RNF220: variants seen among roughly 807,000 people sequenced by gnomAD.
RNF220 encodes the protein E3 ubiquitin-protein ligase RNF220.
In RNF220, 7 loss-of-function variants were observed where a neutral mutation model predicts 67.1. The ratio of observed to expected loss-of-function variants is 0.10; its 90% CI spans 0.06 to 0.20. The LOEUF is 0.20. RNF220 is among the 10% of genes least tolerant of loss of function. The pLI is 1.00. For synonymous variants in RNF220, 270 were observed against 283.2 expected, an observed-to-expected ratio of 0.95 and a Z score of 0.47; for missense variants, 565 against 740.3, an observed-to-expected ratio of 0.76 and a Z score of 2.75.
At chr1:44,647,962 G>C (rs61789882) in intron 12 of RNF220, among the ~76,000 whole-genome samples, 1 of 152,148 alleles carries the variant, frequency 6.6e-6, no homozygotes, top group Non-Finnish European at 1.5e-5. Context: ...TGCTGTCCAC[G>C]AGATAAACTT....
chr1:44,455,693 G>C (rs1653109183), intron 2 of RNF220, among the ~76,000 whole-genome samples: 1 of 152,174 alleles, frequency 6.6e-6, no homozygotes. Flanking sequence ...GAGAGAAGAA[G>C]AACCCTGAAA....
intron 2 of RNF220, among the ~76,000 whole-genome samples, chr1:44,476,914 G>T (rs1368884194): frequency 6.6e-6 from 1 of 152,198 alleles, no homozygotes; most frequent in African/African-American, 2.4e-5. Context: ...GAGTCCTAAT[G>T]CTGGTCCAGA....
intron 2 of RNF220, among the ~76,000 whole-genome samples, chr1:44,567,998 C>G (rs1420687254): frequency 6.6e-6 from 1 of 152,216 alleles, no homozygotes; most frequent in Non-Finnish European, 1.5e-5. Context: ...GCCTCTGACT[C>G]TGTTCCCCAG....
chr1:44,544,792 C>T (rs562247813), intron 2 of RNF220, among the ~76,000 whole-genome samples: 74 of 152,334 alleles, frequency 4.9e-4, no homozygotes, highest in African/African-American at 1.7e-3. Context: ...GCCCACTCCA[C>T]GGCGGATGCC....
chr1:44,560,958 G>A (rs900380895), intron 2 of RNF220, among the ~76,000 whole-genome samples: 1 of 152,142 alleles, frequency 6.6e-6, no homozygotes, highest in African/African-American at 2.4e-5. Context: ...CTTGTGTAGC[G>A]AATCGCCTCA....
At chr1:44,556,985 G>A (rs1216300495) in intron 2 of RNF220, among the ~76,000 whole-genome samples, 5 of 151,846 alleles carry the variant, frequency 3.3e-5, no homozygotes, top group Admixed American at 6.6e-5. Flanking sequence ...CAGGGTGCCC[G>A]AAATGGCTGA....
At chr1:44,443,919 C>T (rs571483634) in intron 2 of RNF220, among the ~76,000 whole-genome samples, 1 of 152,238 alleles carries the variant, frequency 6.6e-6, no homozygotes, top group South Asian at 2.1e-4. Flanking sequence ...GGTGAAACCC[C>T]GTCTCTACTA....
rs1219047940 is a variant in RNF220, at chr1:44,417,803, C to T, written c.625+5081C>T. The stretch of plus-strand genomic sequence containing the variant: ...AACTGGCCCCGGGGAGGCCAGGCCA[C>T]GGGGTGGGCCCCGTTCGCTTACTTG... On this transcript the variant is annotated intron_variant, in intron 2 of 14. Coordinates refer to ENST00000361799, the MANE Select transcript of RNF220 (RefSeq NM_018150.4). This position sits in a 1 kb window ranked among gnomAD's most constrained non-coding sequence, Gnocchi z 4.0. Among the ~76,000 whole-genome samples, 1 of 152,146 alleles carries T rather than the reference C, an allele frequency of 6.6e-6. No homozygotes were observed. Among genetic ancestry groups the T allele is most frequent in the East Asian group, 1.9e-4 (1 of 5,168 alleles).
At chr1:44,561,179 G>A (rs1470118351) in intron 2 of RNF220, among the ~76,000 whole-genome samples, 1 of 152,198 alleles carries the variant, frequency 6.6e-6, no homozygotes, top group Non-Finnish European at 1.5e-5. Flanking sequence ...TGAGGGTTAG[G>A]CAAGGCTTCC....
At chr1:44,549,365 G>A (rs1267312506) in intron 2 of RNF220, among the ~76,000 whole-genome samples, 1 of 152,232 alleles carries the variant, frequency 6.6e-6, no homozygotes, top group East Asian at 1.9e-4. Context: ...GAAGGAGGCA[G>A]AGCGCACATG....
intron 2 of RNF220, among the ~76,000 whole-genome samples, chr1:44,536,908 C>T (rs1661270075): frequency 6.6e-6 from 1 of 152,152 alleles, no homozygotes; most frequent in Non-Finnish European, 1.5e-5. Flanking sequence ...AGCTTGTTAG[C>T]ATGATATGAA....
chr1:44,552,289 T>G (rs1256632383), intron 2 of RNF220, among the ~76,000 whole-genome samples: 2 of 152,034 alleles, frequency 1.3e-5, no homozygotes, highest in African/African-American at 4.8e-5. Context: ...GAGGATTGCT[T>G]GAGCCTAGGA....
At position 44,567,153 on chromosome 1, in the gene RNF220, T is replaced by C. The variant is rs116311965; in HGVS notation, c.626-47012T>C. ...ACCGAGTGGAGGGGTCAGTGTTCCT[T>C]ATCAGGGTGCGGGAGGTGGGATGCT... is the stretch of plus-strand genomic sequence containing the variant. On this transcript the variant is annotated intron_variant, in intron 2 of 14. Transcript: ENST00000361799. 7.0e-3 allele frequency among the ~76,000 whole-genome samples: 1,069 copies of C among 152,184 alleles called. 13 individuals are homozygous for C. Among genetic ancestry groups the C allele is most frequent in the African/African-American group, 0.025 (1,038 of 41,526 alleles).
rs764633164 is a variant in RNF220, at chr1:44,412,507, C to T, written c.410C>T (p.Thr137Met). The T allele has an allele frequency of 1.4e-5, 23 of 1,613,604 alleles. 1 individual carries two copies. Among genetic ancestry groups the T allele is most frequent in the East Asian group, 6.7e-5 (3 of 44,894 alleles). Residue 137 changes from threonine (T) to methionine (M), a missense_variant, in exon 2 of 15, where the codon ACG becomes ATG. Coordinates refer to ENST00000361799, the MANE Select transcript of RNF220 (RefSeq NM_018150.4). The surrounding 1 kb of genome is among the most constrained non-coding windows in gnomAD (Gnocchi z 5.3). Reference sequence around the variant, plus strand: ...CGGGAGAGCTATCAGTCAGCCTTTACGCCGGCCAAGCGACTTAAGAACTGC... The same window carrying T: ...CGGGAGAGCTATCAGTCAGCCTTTATGCCGGCCAAGCGACTTAAGAACTGC... Reference protein sequence around the residue: ...EDRESYQSAFTPAKRLKNCHD... With the variant: ...EDRESYQSAFMPAKRLKNCHD...
rs270749 is a variant in RNF220, at chr1:44,535,294, C to T, written c.626-78871C>T. ...TGGCTGGGATTATAGGCACATGTCA[C>T]CATGCCCAGCTGATTTTTGTATTTT... On this transcript the variant is annotated intron_variant, in intron 2 of 14. Transcript: ENST00000361799. Among the ~76,000 whole-genome samples the T allele has an allele frequency of 1.5e-3, 234 of 152,232 alleles. 2 individuals are homozygous for T. Among genetic ancestry groups the T allele is most frequent in the African/African-American group, 5.6e-3 (231 of 41,534 alleles).
intron 2 of RNF220, among the ~76,000 whole-genome samples, chr1:44,608,831 G>C (rs1029522699): frequency 2.0e-5 from 3 of 152,232 alleles, no homozygotes; most frequent in Non-Finnish European, 2.9e-5. Context: ...CTGGATCATA[G>C]AAGGGAAGAA....
intron 2 of RNF220, among the ~76,000 whole-genome samples, chr1:44,507,302 A>G (rs1658519245): frequency 6.6e-6 from 1 of 152,130 alleles, no homozygotes; most frequent in Non-Finnish European, 1.5e-5. Context: ...AGTCCAAGCA[A>G]GTTGATATCC....
intron 2 of RNF220, among the ~76,000 whole-genome samples, chr1:44,567,400 C>A (rs541276620): frequency 3.3e-5 from 5 of 152,208 alleles, no homozygotes; most frequent in African/African-American, 1.2e-4. Flanking sequence ...ACATAGCCCC[C>A]GCCAGAGTCT....
intron 2 of RNF220, among the ~76,000 whole-genome samples, chr1:44,421,698 A>G (rs1249984975): frequency 1.3e-5 from 2 of 152,098 alleles, no homozygotes; most frequent in Non-Finnish European, 2.9e-5. Context: ...AGGGCTGTCC[A>G]TTACCCTGAA....
Sources: allele counts gnomAD v4.1 joint callset (sites outside exome capture counted in the v4.1 genomes callset), GRCh38; gene constraint gnomAD v4.1.1; non-coding constraint Gnocchi (gnomAD v3.1); transcripts MANE v1.5; gene names NCBI Gene and HGNC (gene_info 2026-07-23, HGNC 2026-07-21).